The following PCDH15 variants were observed in gnomAD, a reference collection of about 807,000 sequenced individuals.
PCDH15 encodes protocadherin related 15.
In PCDH15, 129 loss-of-function variants were observed where a neutral mutation model predicts 178.5. The ratio of observed to expected loss-of-function variants is 0.72; its 90% confidence interval spans 0.63 to 0.84. The LOEUF is 0.84. PCDH15 is among the 40% of genes least tolerant of loss of function. The probability of loss-of-function intolerance (pLI) is 0.00; values close to 1 mark genes in which losing one functional copy is unlikely to be tolerated. For missense variants in PCDH15, 2,230 were observed against 2,099.9 expected (o/e 1.06, Z -1.21); for synonymous variants, 800 against 732.0 (o/e 1.09, Z -1.50).
At chr10:54,620,130 C>T (rs185509525) in intron 2 of PCDH15, among the ~76,000 whole-genome samples, 115 of 152,060 alleles carry the variant, frequency 7.6e-4, no homozygotes, top group African/African-American at 2.4e-3. Flanking sequence ...AGAGATGACG[C>T]GGCCCACAAA....
At chr10:54,835,283 G>T (rs566642080) in intron 3 of PCDH15, among the ~76,000 whole-genome samples, 1 of 152,166 alleles carries the variant, frequency 6.6e-6, no homozygotes, top group African/African-American at 2.4e-5. Context: ...TTAAGCATCA[G>T]CATTCATCTA....
At chr10:53,816,593 A>G (rs2076067594) in intron 34 of PCDH15, among the ~76,000 whole-genome samples, 1 of 152,172 alleles carries the variant, frequency 6.6e-6, no homozygotes, top group African/African-American at 2.4e-5. Context: ...AGAGTTATTT[A>G]TGTTTCTAAA....
chr10:54,596,558 A>G (rs934449419), intron 2 of PCDH15, among the ~76,000 whole-genome samples: 9 of 152,146 alleles, frequency 5.9e-5, no homozygotes, highest in African/African-American at 2.2e-4. Context: ...AGTCAGCATA[A>G]TAAGTCGACA....
chr10:55,057,850 A>G (rs543629024), intron 2 of PCDH15, among the ~76,000 whole-genome samples: 2 of 152,146 alleles, frequency 1.3e-5, no homozygotes, highest in East Asian at 3.9e-4. Flanking sequence ...TTTTATTTTT[A>G]TTTGCATTCC....
chr10:55,430,102 C>G (rs1260119208), intron 2 of PCDH15, among the ~76,000 whole-genome samples: 5 of 152,018 alleles, frequency 3.3e-5, no homozygotes, highest in Admixed American at 3.3e-4. Flanking sequence ...AAAGCCTGGG[C>G]AACATAGTGA....
chr10:53,888,301 T>TATAC (rs1564690652), intron 26 of PCDH15, among the ~76,000 whole-genome samples: 1 of 67,718 alleles, frequency 1.5e-5, no homozygotes, highest in East Asian at 1.4e-3. Flanking sequence ...CATATATATA[T>TATAC]ATATATATGT....
At chr10:54,715,054 T>A (rs2132412317) in intron 1 of PCDH15, among the ~76,000 whole-genome samples, 1 of 152,200 alleles carries the variant, frequency 6.6e-6, no homozygotes, top group Middle Eastern at 3.4e-3. Context: ...ATATTGAGAT[T>A]GCTGATACTC....
chr10:55,574,115 C>A (rs1424108748), intron 2 of PCDH15, among the ~76,000 whole-genome samples: 2 of 151,974 alleles, frequency 1.3e-5, no homozygotes, highest in Non-Finnish European at 2.9e-5. Flanking sequence ...AAGACCCAAT[C>A]AACATTCTTT....
chr10:55,124,002 C>A (rs903328814), intron 2 of PCDH15, among the ~76,000 whole-genome samples: 1 of 152,094 alleles, frequency 6.6e-6, no homozygotes, highest in African/African-American at 2.4e-5. Flanking sequence ...TGGGGTGAGA[C>A]TGATGTAACA....
intron 8 of PCDH15, among the ~76,000 whole-genome samples, chr10:54,244,429 G>C (rs1267630450): frequency 6.6e-6 from 1 of 152,080 alleles, no homozygotes; most frequent in African/African-American, 2.4e-5. Flanking sequence ...TGGTAACCCG[G>C]TAATTATTTT....
intron 18 of PCDH15, among the ~76,000 whole-genome samples, chr10:54,059,033 C>A (rs929949610): frequency 6.6e-6 from 1 of 152,092 alleles, no homozygotes; most frequent in Admixed American, 6.5e-5. Flanking sequence ...TAACAACTTT[C>A]TTCATCAGCC....
At chr10:55,240,851 T>C (rs1046698321) in intron 1 of PCDH15, among the ~76,000 whole-genome samples, 4 of 152,162 alleles carry the variant, frequency 2.6e-5, no homozygotes, top group African/African-American at 9.7e-5. Flanking sequence ...CATTCAAAAT[T>C]ATAGTGCACT....
intron 13 of PCDH15, among the ~76,000 whole-genome samples, chr10:54,156,172 T>C (rs2045122066): frequency 6.6e-6 from 1 of 152,226 alleles, no homozygotes; most frequent in South Asian, 2.1e-4. Flanking sequence ...GTTTTTTTTA[T>C]TTCTTTTCGA....
intron 3 of PCDH15, among the ~76,000 whole-genome samples, chr10:54,873,219 G>A (rs1028339341): frequency 6.6e-6 from 1 of 151,986 alleles, no homozygotes; most frequent in African/African-American, 2.4e-5. Flanking sequence ...TTTTAGTAGT[G>A]TCTAAAATTA....
chr10:55,216,135 T>C (rs996447652), intron 1 of PCDH15, among the ~76,000 whole-genome samples: 2 of 151,834 alleles, frequency 1.3e-5, no homozygotes, highest in African/African-American at 4.8e-5. Context: ...GAAGCACATA[T>C]AAAAGTCCTT....
chr10:54,793,351 C>A (rs564827986), intron 1 of PCDH15, among the ~76,000 whole-genome samples: 1 of 151,910 alleles, frequency 6.6e-6, no homozygotes, highest in Non-Finnish European at 1.5e-5. Context: ...TACACCCACC[C>A]AGAGGCAATG....
intron 20 of PCDH15, among the ~76,000 whole-genome samples, chr10:54,007,184 T>C (rs1271638473): frequency 6.6e-6 from 1 of 152,200 alleles, no homozygotes; most frequent in Non-Finnish European, 1.5e-5. Context: ...ACGCAGACTC[T>C]AAGACCAGGT....
chr10:54,082,308 G>A (rs2094447097), intron 16 of PCDH15, among the ~76,000 whole-genome samples: 1 of 152,134 alleles, frequency 6.6e-6, no homozygotes, highest in South Asian at 2.1e-4. Context: ...AAACACTTGA[G>A]GCGTATAATA....
intron 2 of PCDH15, among the ~76,000 whole-genome samples, chr10:54,594,973 C>A (rs756544167): frequency 6.6e-6 from 1 of 152,136 alleles, no homozygotes; most frequent in African/African-American, 2.4e-5. Flanking sequence ...CACAGTCCTG[C>A]GACCACTAGC....
Sources: allele counts gnomAD v4.1 joint callset (sites outside exome capture counted in the v4.1 genomes callset), GRCh38; gene constraint gnomAD v4.1.1; transcripts MANE v1.5; gene names NCBI Gene and HGNC (gene_info 2026-07-23, HGNC 2026-07-21).